The following MDN1 variants were observed in gnomAD, a reference collection of about 807,000 sequenced individuals.
MDN1 encodes midasin.
A neutral mutation model predicts 669.2 loss-of-function variants in MDN1; 266 were observed. The ratio of observed to expected loss-of-function variants is 0.40; its 90% confidence interval spans 0.36 to 0.44. The LOEUF (loss-of-function observed/expected upper bound fraction) is 0.44. Among genes scored for constraint, MDN1 ranks in the 20% least tolerant of loss-of-function variants. The pLI, the probability that MDN1 is intolerant of heterozygous loss-of-function variation, is 1.00. For missense variants in MDN1, 5,940 were observed against 6,754.0 expected, an observed-to-expected ratio of 0.88 and a Z score of 4.22; for synonymous variants, 2,385 against 2,457.1, an observed-to-expected ratio of 0.97 and a Z score of 0.87.
At chr6:89,688,424 A>G in intron 66 of MDN1, 149 bp downstream of exon 66, 1 of 709,966 alleles carries the variant, frequency 1.4e-6, no homozygotes, top group African/African-American at 1.8e-5. Context: ...TCCTGCAGTT[A>G]GTAAGTAACA....
chr6:89,806,611 G>C (rs1042008928), intron 1 of MDN1, among the ~76,000 whole-genome samples: 10 of 152,080 alleles, frequency 6.6e-5, no homozygotes, highest in African/African-American at 2.4e-4. Context: ...CCAGCTACTT[G>C]GGAGGCTGGG....
At position 89,749,623 on chromosome 6, in the gene MDN1, T is replaced by C; in HGVS notation, c.3535A>G (p.Thr1179Ala). ...GGGTGTGCTTTAACAACTTCCTGTG[T>C]TTCTGTTACTAGCAATTCACGGTTA... ...DDNRELLVTE[T>A]QEVVKAHPRF... The change falls in exon 25 of 102, where the codon ACA (threonine) becomes GCA (alanine). Residue 1179 changes from threonine to alanine, a missense_variant. Physicochemically the swap from Thr to Ala is moderately conservative, Grantham distance 58. Transcript: ENST00000369393. 1 of 1,614,204 alleles carries C rather than the reference T, an allele frequency of 6.2e-7. No individual in the cohort carries two copies. The highest frequency in any genetic ancestry group is 1.1e-5 in the South Asian group (1 of 91,090).
At chr6:89,806,988 A>G (rs1768065907) in intron 1 of MDN1, among the ~76,000 whole-genome samples, 1 of 152,302 alleles carries the variant, frequency 6.6e-6, no homozygotes. Flanking sequence ...ACTCATTTTT[A>G]TACATTGACC....
chr6:89,661,966 A>G, intron 87 of MDN1, 121 bp downstream of exon 87: 1 of 1,107,944 alleles, frequency 9.0e-7, no homozygotes. Flanking sequence ...TTCTTTTATG[A>G]GGTAATGGGA....
At chr6:89,738,993 C>T (rs1414360045) in intron 32 of MDN1, among the ~76,000 whole-genome samples, 2 of 152,222 alleles carry the variant, frequency 1.3e-5, no homozygotes, top group Admixed American at 6.5e-5. Context: ...TTCCTTTTCC[C>T]ACCACAAGGT....
In MDN1 at chr6:89,644,997, CTT is replaced by C; in HGVS notation, c.16602+16_16602+17del. ...CCCACTTTACCTCCAGAAAAGGTGG[CTT>C]TTAGTAGTCACTCACCCGTGAACTG... On this transcript the variant is annotated intron_variant, in intron 101 of 101. Coordinates refer to ENST00000369393, the MANE Select transcript of MDN1 (RefSeq NM_014611.3). The C allele has an allele frequency of 6.4e-7, 1 of 1,574,774 alleles. No individual in the cohort carries two copies. The highest frequency in any genetic ancestry group is 1.3e-5 in the African/African-American group (1 of 74,378).
intron 19 of MDN1, among the ~76,000 whole-genome samples, 198 bp from the exon 20 acceptor site, chr6:89,756,588 T>C (rs1009559225): frequency 1.9e-4 from 29 of 152,202 alleles, no homozygotes; most frequent in African/African-American, 7.0e-4. Context: ...TATTGCTTCT[T>C]CTATGCAATA....
intron 6 of MDN1, 26 bp downstream of exon 6, chr6:89,790,133 A>G (rs766610223): frequency 6.2e-7 from 1 of 1,613,602 alleles, no homozygotes. Context: ...ATGACAAGCC[A>G]CCAAAACTTA....
At position 89,780,292 on chromosome 6, in the gene MDN1, C is replaced by G; in HGVS notation, c.1645G>C (p.Asp549His). The change falls in exon 11 of 102, where the codon GAT (aspartate) becomes CAT (histidine). Residue 549 changes from aspartate to histidine, a missense_variant and splice_region_variant. Asp to His is a moderately conservative substitution (Grantham distance 81). Transcript: ENST00000369393. ...ATCCTATTACACCAATTCAGCAGAT[C>G]CCTTTAAAAAAAAGAAAGAAAAGAA... ...TLEGRELSLR[D>H]LLNWCNRIAH... The G allele has an allele frequency of 6.4e-7, 1 of 1,554,478 alleles. No homozygotes were observed. The highest frequency in any genetic ancestry group is 1.2e-5 in the South Asian group (1 of 80,354).
intron 73 of MDN1, among the ~76,000 whole-genome samples, chr6:89,682,699 TAAAAAAAAAAAAAAA>T (rs143107841): frequency 5.2e-5 from 5 of 96,858 alleles, no homozygotes; most frequent in Admixed American, 2.1e-4. Flanking sequence ...GACTCTGTCT[TAAAAAAAAAAAAAAA>T]AAAAAAAAAA....
intron 14 of MDN1, 58 bp from the exon 15 acceptor site, chr6:89,771,679 A>G (rs1584346923): frequency 5.7e-6 from 8 of 1,406,992 alleles, no homozygotes; most frequent in Middle Eastern, 3.5e-4. Context: ...GATAATATCC[A>G]GTGTGCTCCT....
chr6:89,658,161 A>G (rs770388502), intron 90 of MDN1, 48 bp downstream of exon 90: 16 of 1,607,560 alleles, frequency 1.0e-5, no homozygotes, highest in African/African-American at 1.3e-5. Flanking sequence ...CAGGGAGAAG[A>G]GACCCTACTA....
At chr6:89,723,655 G>GTT in intron 38 of MDN1, 36 bp from the exon 39 acceptor site, 1 of 1,269,598 alleles carries the variant, frequency 7.9e-7, no homozygotes, top group Non-Finnish European at 1.1e-6. Flanking sequence ...AAATGCCTTT[G>GTT]TTTCTCTTTA....
rs533502727 is a variant in MDN1, at chr6:89,782,503, G to A, written c.1450-911C>T. Among the ~76,000 whole-genome samples, 21 of 152,042 alleles carry A rather than the reference G, an allele frequency of 1.4e-4. No homozygotes were observed. The South Asian group carries it at 4.4e-3, about 32-fold the overall frequency. ...GGTACCTGGCAGGCTGAGCTGGGAA[G>A]ATCACCTAAGCCTGAGAGGTTGAGG... On this transcript the variant is annotated intron_variant, in intron 9 of 101. Transcript: ENST00000369393.
chr6:89,814,817 A>T lies in MDN1; in HGVS notation c.102+4689T>A, dbSNP rs1179690549. ...CGCCAGGGCCCTGGGTTCTCTGTGC[A>T]GACAGTTCCAAAGAAGGCTGCCCCT... On this transcript the variant is annotated intron_variant, in intron 1 of 101. Transcript: ENST00000369393. 9 of 473,436 alleles carry T rather than the reference A, an allele frequency of 1.9e-5. No homozygotes were observed. The East Asian group carries it at 5.8e-4, about 31-fold the overall frequency. The allele number at this position is 473,436 out of a possible 1,614,324, so 29.3% of individuals were successfully genotyped here.
intron 12 of MDN1, among the ~76,000 whole-genome samples, chr6:89,775,945 T>C (rs570382934): frequency 6.6e-6 from 1 of 152,100 alleles, no homozygotes; most frequent in South Asian, 2.1e-4. Flanking sequence ...CACCTCTGCC[T>C]CCCAAAGTCC....
At chr6:89,699,152 A>T in intron 58 of MDN1, 117 bp from the exon 59 acceptor site, 1 of 972,310 alleles carries the variant, frequency 1.0e-6, no homozygotes, top group African/African-American at 1.6e-5. Context: ...GTATTAATCC[A>T]AATTTTTCCG....
intron 65 of MDN1, among the ~76,000 whole-genome samples, chr6:89,689,498 ATG>A (rs1365605721): frequency 6.6e-6 from 1 of 152,216 alleles, no homozygotes; most frequent in African/African-American, 2.4e-5. Flanking sequence ...GCTCCCAGGT[ATG>A]TGTTATTTCA....
At chr6:89,763,945 T>C (rs577797057) in intron 15 of MDN1, among the ~76,000 whole-genome samples, 52 of 152,352 alleles carry the variant, frequency 3.4e-4, no homozygotes, top group Non-Finnish European at 6.8e-4. Flanking sequence ...CCAGGCACAG[T>C]GGCTCATGCC....
Sources: gnomAD v4.1 joint callset for allele counts (sites outside exome capture counted in the v4.1 genomes callset) on GRCh38, gnomAD v4.1.1 for gene constraint, MANE v1.5 for transcripts, NCBI Gene and HGNC (gene_info 2026-07-23, HGNC 2026-07-21) for gene names.